The following PARP10 variants were observed in gnomAD, a reference collection of about 807,000 sequenced individuals.
The protein encoded by PARP10 is poly(ADP-ribose) polymerase family member 10, also known as protein mono-ADP-ribosyltransferase PARP10.
In PARP10, 56 loss-of-function variants were observed where a neutral mutation model predicts 82.4. That is an observed-to-expected ratio of 0.68 (90% CI 0.55 to 0.85). The LOEUF is 0.85. Ranked by LOEUF, PARP10 falls within the 40% of genes least tolerant of loss-of-function variation. PARP10 has a pLI of 0.00. For missense variants in PARP10, 1,227 were observed against 1,379.4 expected (o/e 0.89, Z 1.75); for synonymous variants, 576 against 601.1 (o/e 0.96, Z 0.61).
chr8:143,996,838 A>G (rs1554751336), intron 1 of PARP10, among the ~76,000 whole-genome samples: 1 of 152,238 alleles, frequency 6.6e-6, no homozygotes, highest in Non-Finnish European at 1.5e-5. Flanking sequence ...TGAGGAGGCC[A>G]GTCGAGGCCA....
upstream of PARP10, chr8:143,990,031 GC>G (rs1834063562): frequency 6.7e-6 from 1 of 148,678 alleles, no homozygotes; most frequent in Non-Finnish European, 1.5e-5. This position sits in a 1 kb window ranked among gnomAD's most constrained non-coding sequence, Gnocchi z 5.6. Flanking sequence ...AGCTCGCCCG[GC>G]CCCGCCCCCT....
chr8:144,004,198 G>T (rs1834220549), intron 1 of PARP10, among the ~76,000 whole-genome samples: 2 of 150,960 alleles, frequency 1.3e-5, no homozygotes, highest in African/African-American at 4.9e-5. Flanking sequence ...CTTGCCTGTA[G>T]TCCTCAGGAG....
chr8:144,006,357 A>T (rs1385848065), intron 1 of PARP10, among the ~76,000 whole-genome samples: 1 of 152,260 alleles, frequency 6.6e-6, no homozygotes, highest in Non-Finnish European at 1.5e-5. Context: ...CACTCGACAG[A>T]TGAAGAAACA....
At chr8:143,995,926 AG>A (rs1234436102), upstream of PARP10, among the ~76,000 whole-genome samples, 33 of 152,228 alleles carry the variant, frequency 2.2e-4, no homozygotes, top group Non-Finnish European at 3.8e-4. Context: ...CACAGCTGAC[AG>A]CTCTAGCCTG....
At chr8:143,992,493 G>A, upstream of PARP10, 1 of 1,614,148 alleles carries the variant, frequency 6.2e-7, no homozygotes, top group Non-Finnish European at 8.5e-7. Flanking sequence ...TCATGCATGG[G>A]CGTGCTCCTG....
chr8:143,992,579 G>A (rs200230658), upstream of PARP10: 4 of 1,613,978 alleles, frequency 2.5e-6, no homozygotes, highest in South Asian at 1.1e-5. Flanking sequence ...GATCGTGTAC[G>A]CCTCACTGGG....
chr8:143,995,797 T>C (rs1834160355), upstream of PARP10, among the ~76,000 whole-genome samples: 1 of 152,054 alleles, frequency 6.6e-6, no homozygotes, highest in Non-Finnish European at 1.5e-5. Context: ...GATGGATCAA[T>C]ACAAAAACAA....
rs1428707433 is a variant in PARP10, at chr8:144,008,103, CA to C, written c.-80+4426del. Among the ~76,000 whole-genome samples, 1 of 152,168 alleles carries C rather than the reference CA, an allele frequency of 6.6e-6. No individual in the cohort carries two copies. The highest frequency in any genetic ancestry group is 1.5e-5 in the Non-Finnish European group (1 of 68,042). On this transcript the variant is annotated intron_variant, in intron 1 of 3. Transcript: ENST00000530478. The surrounding 1 kb of genome is among the most constrained non-coding windows in gnomAD (Gnocchi z 4.0). ...CCTCCCGGCAGCTCCTCGTCAGCAA[CA>C]GGCAGACCCGGAGGTTCAACATGGC...
upstream of PARP10, among the ~76,000 whole-genome samples, chr8:143,995,591 AAAG>A (rs1834159065): frequency 6.6e-6 from 1 of 152,264 alleles, no homozygotes; most frequent in East Asian, 1.9e-4. Flanking sequence ...CTTCAGGTAG[AAAG>A]AAGACCAGTC....
intron 1 of PARP10, among the ~76,000 whole-genome samples, chr8:144,002,716 A>T (rs1834210380): frequency 6.6e-6 from 1 of 152,242 alleles, no homozygotes; most frequent in South Asian, 2.1e-4. Context: ...GCAAAACTTT[A>T]CAACTTCTGT....
chr8:144,012,529 C>A lies in PARP10; in HGVS notation c.-80+1G>T, dbSNP rs1554752595. On this transcript the variant is annotated splice_donor_variant, in intron 1 of 3. Transcript: ENST00000530478. LOFTEE classifies it low-confidence loss of function (5UTR_SPLICE). ...CTGCCCCAGGGCATGTCTCTACTCACCAATTATGAAGGGCTTCGGCATCAG... is the reference window on the plus strand; with the variant it reads ...CTGCCCCAGGGCATGTCTCTACTCAACAATTATGAAGGGCTTCGGCATCAG... 6.4e-7 allele frequency: 1 copy of A among 1,551,748 alleles called. No homozygotes were observed. The highest frequency in any genetic ancestry group is 2.0e-5 in the Admixed American group (1 of 51,008).
rs1360602696 is a variant in PARP10 at position 144,008,574 on chromosome 8, G to A, written c.-80+3956C>T. Among the ~76,000 whole-genome samples, 1 of 152,170 alleles carries A rather than the reference G, an allele frequency of 6.6e-6. No homozygotes were observed. Among genetic ancestry groups the A allele is most frequent in the Non-Finnish European group, 1.5e-5 (1 of 68,030 alleles). On this transcript the variant is annotated intron_variant, in intron 1 of 3. Coordinates refer to the PARP10 transcript ENST00000530478. This position sits in a 1 kb window ranked among gnomAD's most constrained non-coding sequence, Gnocchi z 4.0. ...GCCGGGAGGAGCGCAAACCCCGAGT[G>A]CACCCCAGGAGGTTCCTGTCACTCC...
At chr8:143,987,432 G>A (rs565296175), upstream of PARP10, among the ~76,000 whole-genome samples, 85 of 152,270 alleles carry the variant, frequency 5.6e-4, no homozygotes, top group East Asian at 1.7e-3. Flanking sequence ...CTGCTGCCCC[G>A]ACCCTGGTCC....
At chr8:143,977,870 G>A in intron 10 of PARP10, 37 bp downstream of exon 10, 1 of 1,598,130 alleles carries the variant, frequency 6.3e-7, no homozygotes, top group Non-Finnish European at 8.5e-7. Flanking sequence ...TGGTCGGGGT[G>A]CGCAGAGCCC....
At chr8:143,997,080 A>AGGCAGCAGGATGGCTTGGCTCATGCT in intron 1 of PARP10, among the ~76,000 whole-genome samples, 2 of 152,300 alleles carry the variant, frequency 1.3e-5, no homozygotes, top group Middle Eastern at 6.8e-3. Flanking sequence ...GCTGCTTCCC[A>AGGCAGCAGGATGGCTTGGCTCATGCT]GGCAGCAGGA....
At position 143,978,952 on chromosome 8, in the gene PARP10, G is replaced by A. The variant is rs372472965; in HGVS notation, c.2557-871C>T. ...GCCAGGAAACCTCAACCTTCAGAGT[G>A]AAAGAAAACCCTGCAAGTTTTTTTT... On this transcript the variant is annotated intron_variant, in intron 9 of 10. Coordinates refer to ENST00000313028, the MANE Select transcript of PARP10 (RefSeq NM_032789.5). Among the ~76,000 whole-genome samples, 90 of 151,270 alleles carry A rather than the reference G, an allele frequency of 5.9e-4. 3 individuals carry two copies. In the East Asian group the frequency reaches 0.016, roughly 27 times the overall value.
upstream of PARP10, chr8:143,991,869 C>T: frequency 6.2e-7 from 1 of 1,610,652 alleles, no homozygotes; most frequent in Non-Finnish European, 8.5e-7. Flanking sequence ...TGAGCGGCTC[C>T]TTCCCCAGGT....
rs782641283 is a variant in PARP10 at position 143,983,073 on chromosome 8, A to G, written c.2423-8T>C. The G allele has an allele frequency of 1.7e-5, 27 of 1,613,758 alleles. No individual in the cohort carries two copies. Among genetic ancestry groups the G allele is most frequent in the East Asian group, 1.3e-4 (6 of 44,888 alleles). On this transcript the variant is annotated splice_region_variant and splice_polypyrimidine_tract_variant and intron_variant, in intron 8 of 10. Transcript: ENST00000313028. ...TCAGCGTCTGCCCCGCCACTGATGC[A>G]TGGGGAAAAGCGGGGGGTCAGAGCC... is the stretch of plus-strand genomic sequence containing the variant.
At chr8:143,999,640 C>G (rs1454608708) in intron 1 of PARP10, among the ~76,000 whole-genome samples, 1 of 150,576 alleles carries the variant, frequency 6.6e-6, no homozygotes, top group African/African-American at 2.4e-5. Flanking sequence ...CATCCAGACT[C>G]AAATTGAGCT....
Sources: allele counts gnomAD v4.1 joint callset (sites outside exome capture counted in the v4.1 genomes callset), GRCh38; gene constraint gnomAD v4.1.1; non-coding constraint Gnocchi (gnomAD v3.1); transcripts MANE v1.5; gene names NCBI Gene and HGNC (gene_info 2026-07-23, HGNC 2026-07-21).